NKAIN3: variants seen among roughly 807,000 people sequenced by gnomAD.
NKAIN3 encodes sodium/potassium-transporting ATPase subunit beta-1-interacting protein 3.
A neutral mutation model predicts 30.2 loss-of-function variants in NKAIN3; 25 were observed. The ratio of observed to expected loss-of-function variants is 0.83; its 90% CI spans 0.60 to 1.16. NKAIN3 has a LOEUF of 1.16. Among genes scored for constraint, NKAIN3 ranks in the 50% most tolerant of loss-of-function variants. The pLI is 0.00. For missense variants in NKAIN3, 225 were observed against 254.1 expected (o/e 0.89, Z 0.78); for synonymous variants, 91 against 89.6 (o/e 1.02, Z -0.09).
chr8:62,949,481 G>T (rs16929920), intron 5 of NKAIN3, among the ~76,000 whole-genome samples: 47,406 of 152,058 alleles, frequency 0.31, 7,930 homozygotes, highest in African/African-American at 0.41. Flanking sequence ...TGGCTAGAGC[G>T]AGTAACCACA....
chr8:62,424,129 C>T (rs979846796), intron 1 of NKAIN3, among the ~76,000 whole-genome samples: 3 of 151,840 alleles, frequency 2.0e-5, no homozygotes, highest in African/African-American at 7.3e-5. Flanking sequence ...AGAATGAAAT[C>T]GGACCATTAT....
At chr8:62,907,566 G>A (rs1019278621) in intron 4 of NKAIN3, among the ~76,000 whole-genome samples, 4 of 152,158 alleles carry the variant, frequency 2.6e-5, no homozygotes, top group Non-Finnish European at 5.9e-5. Context: ...GGTTTCATGG[G>A]CTGGGCCCAG....
At chr8:62,889,733 T>A (rs1821247719) in intron 4 of NKAIN3, among the ~76,000 whole-genome samples, 1 of 152,186 alleles carries the variant, frequency 6.6e-6, no homozygotes, top group African/African-American at 2.4e-5. Flanking sequence ...ATCGAGGTGA[T>A]CTCAGGAAGC....
At chr8:62,786,746 C>T (rs1817532848) in intron 4 of NKAIN3, among the ~76,000 whole-genome samples, 1 of 152,120 alleles carries the variant, frequency 6.6e-6, no homozygotes, top group Non-Finnish European at 1.5e-5. Context: ...TAAGCTTTTA[C>T]CCTTTGAGAA....
chr8:62,517,064 G>A (rs892040375), intron 1 of NKAIN3, among the ~76,000 whole-genome samples: 2 of 151,930 alleles, frequency 1.3e-5, no homozygotes, highest in Admixed American at 1.3e-4. Context: ...TTACTTTAAA[G>A]CTAAAGTTCT....
At chr8:62,686,048 G>T (rs1167533839) in intron 3 of NKAIN3, among the ~76,000 whole-genome samples, 1 of 152,062 alleles carries the variant, frequency 6.6e-6, no homozygotes, top group Non-Finnish European at 1.5e-5. Context: ...CTGCATTGAA[G>T]AAGTCAGTTA....
At chr8:62,654,654 G>A (rs545498823) in intron 3 of NKAIN3, among the ~76,000 whole-genome samples, 63 of 152,210 alleles carry the variant, frequency 4.1e-4, no homozygotes, top group African/African-American at 1.3e-3. Context: ...AATATTATTC[G>A]TTTAAAATAT....
Position 62,260,754 on chromosome 8 carries a change from T to C in NKAIN3, c.54+11627T>C, listed in dbSNP as rs147984002. On this transcript the variant is annotated intron_variant, in intron 1 of 6. Transcript: ENST00000623646. ...AGCCAGTTGTTAAATACAGCTTTAT[T>C]AAACATTAACTATATAAACTTATAA... Among the ~76,000 whole-genome samples, 476 of 152,294 alleles carry C rather than the reference T, an allele frequency of 3.1e-3. 4 individuals are homozygous for C. Among genetic ancestry groups the C allele is most frequent in the African/African-American group, 0.011 (465 of 41,570 alleles).
intron 4 of NKAIN3, 101 bp from the exon 5 acceptor site, chr8:62,918,352 A>T: frequency 1.2e-6 from 1 of 837,018 alleles, no homozygotes; most frequent in Non-Finnish European, 2.0e-6. Flanking sequence ...CAAACTCTTA[A>T]AAGTTGCTCA....
chr8:62,622,965 A>G (rs575364836), intron 3 of NKAIN3, among the ~76,000 whole-genome samples: 16 of 152,070 alleles, frequency 1.1e-4, no homozygotes, highest in African/African-American at 3.9e-4. Flanking sequence ...TTTCTCATAT[A>G]AGATAAAATT....
chr8:62,933,781 G>T (rs540112533), intron 5 of NKAIN3, among the ~76,000 whole-genome samples: 2 of 152,154 alleles, frequency 1.3e-5, no homozygotes, highest in African/African-American at 4.8e-5. Context: ...AAATAGAAAA[G>T]GTAGGTGTTT....
intron 3 of NKAIN3, among the ~76,000 whole-genome samples, chr8:62,642,782 A>T (rs965054832): frequency 6.6e-6 from 1 of 152,132 alleles, no homozygotes; most frequent in Non-Finnish European, 1.5e-5. Context: ...GATGAGCTTT[A>T]TGTAGGCAGA....
At chr8:62,424,171 G>A (rs182728671) in intron 1 of NKAIN3, among the ~76,000 whole-genome samples, 9 of 152,016 alleles carry the variant, frequency 5.9e-5, no homozygotes, top group South Asian at 2.1e-4. Flanking sequence ...AACTCAATTT[G>A]AATGAAAGAC....
At chr8:62,866,445 A>T (rs1586286723) in intron 4 of NKAIN3, among the ~76,000 whole-genome samples, 1 of 152,186 alleles carries the variant, frequency 6.6e-6, no homozygotes, top group African/African-American at 2.4e-5. Context: ...TGAGAAAATG[A>T]TTTTCCCTTT....
At chr8:62,919,089 A>C (rs952834231) in intron 5 of NKAIN3, among the ~76,000 whole-genome samples, 1 of 151,998 alleles carries the variant, frequency 6.6e-6, no homozygotes, top group Non-Finnish European at 1.5e-5. Flanking sequence ...ACATTTATTA[A>C]TATTATGACC....
At chr8:62,356,075 C>T (rs1816345826) in intron 1 of NKAIN3, among the ~76,000 whole-genome samples, 1 of 152,114 alleles carries the variant, frequency 6.6e-6, no homozygotes. Context: ...ATTTCTTTGC[C>T]CCACTTTCTA....
At chr8:62,443,697 A>T (rs563461379) in intron 1 of NKAIN3, among the ~76,000 whole-genome samples, 48 of 152,178 alleles carry the variant, frequency 3.2e-4, no homozygotes, top group African/African-American at 1.1e-3. Flanking sequence ...CTTGACTGGT[A>T]TTTTAACTGC....
At chr8:62,853,816 G>A (rs1057331302) in intron 4 of NKAIN3, among the ~76,000 whole-genome samples, 1 of 152,008 alleles carries the variant, frequency 6.6e-6, no homozygotes, top group African/African-American at 2.4e-5. Flanking sequence ...GATCTTTCTA[G>A]CTTTTTGATG....
At chr8:62,667,354 T>A (rs1277259006) in intron 3 of NKAIN3, among the ~76,000 whole-genome samples, 1 of 76,664 alleles carries the variant, frequency 1.3e-5, no homozygotes, top group Non-Finnish European at 2.4e-5. Context: ...TCTTTATATA[T>A]ATATCTGTAT....
Sources: allele counts gnomAD v4.1 joint callset (sites outside exome capture counted in the v4.1 genomes callset), GRCh38; gene constraint gnomAD v4.1.1; transcripts MANE v1.5; gene names NCBI Gene and HGNC (gene_info 2026-07-23, HGNC 2026-07-21).